IMMT: variants seen among roughly 807,000 people sequenced by gnomAD.
IMMT encodes inner membrane mitochondrial protein, also known as MICOS complex subunit MIC60.
In IMMT, 40 loss-of-function variants were observed where a neutral mutation model predicts 92.7. That is an observed-to-expected ratio of 0.43 (90% CI 0.34 to 0.56). The LOEUF (loss-of-function observed/expected upper bound fraction) is 0.56. IMMT is among the 20% of genes least tolerant of loss of function. The pLI, the probability that IMMT is intolerant of heterozygous loss-of-function variation, is 0.03. For synonymous variants in IMMT, 322 were observed against 336.1 expected (o/e 0.96, Z 0.46); for missense variants, 831 against 912.1 (o/e 0.91, Z 1.14).
chr2:86,150,536 T>C (rs1318927624), intron 12 of IMMT, among the ~76,000 whole-genome samples: 2 of 152,124 alleles, frequency 1.3e-5, no homozygotes, highest in Non-Finnish European at 2.9e-5. Flanking sequence ...GGATGAGTAG[T>C]TAGGTTCCCA....
At chr2:86,163,647 A>C (rs1370468138) in intron 7 of IMMT, among the ~76,000 whole-genome samples, 1 of 152,094 alleles carries the variant, frequency 6.6e-6, no homozygotes, top group Non-Finnish European at 1.5e-5. Flanking sequence ...ATACATTTAG[A>C]AGAAATATTT....
chr2:86,193,869 C>CA, intron 1 of IMMT, among the ~76,000 whole-genome samples: 1 of 152,252 alleles, frequency 6.6e-6, no homozygotes, highest in South Asian at 2.1e-4. Context: ...AATGGGATCC[C>CA]AAAAAGTTGA....
chr2:86,171,977 T>C (rs1251296136), intron 4 of IMMT, among the ~76,000 whole-genome samples: 1 of 136,904 alleles, frequency 7.3e-6, no homozygotes, highest in African/African-American at 2.7e-5. Flanking sequence ...TTTTTTTTTT[T>C]TTTTTTGAGA....
intron 2 of IMMT, among the ~76,000 whole-genome samples, chr2:86,180,043 C>T (rs1311321435): frequency 6.6e-6 from 1 of 151,992 alleles, no homozygotes; most frequent in African/African-American, 2.4e-5. Context: ...TGCCATTGCA[C>T]TCCAGCCTGG....
At chr2:86,167,210 C>T (rs1219848958) in intron 6 of IMMT, among the ~76,000 whole-genome samples, 5 of 130,172 alleles carry the variant, frequency 3.8e-5, no homozygotes, top group South Asian at 2.5e-4. Flanking sequence ...CTCGCTCTGT[C>T]GCCCAGGCTG....
At chr2:86,193,919 G>C (rs1220991163) in intron 1 of IMMT, among the ~76,000 whole-genome samples, 1 of 152,198 alleles carries the variant, frequency 6.6e-6, no homozygotes, top group Non-Finnish European at 1.5e-5. Context: ...AGGTGGGCCT[G>C]GTCTAATCAC....
At chr2:86,191,946 C>T (rs1276188329) in intron 1 of IMMT, among the ~76,000 whole-genome samples, 1 of 149,802 alleles carries the variant, frequency 6.7e-6, no homozygotes, top group Non-Finnish European at 1.5e-5. Flanking sequence ...AATAAATCTT[C>T]CTAGGCTGGG....
rs1049834846 is a variant in IMMT, at chr2:86,146,183, T to A, written c.1548A>T (p.Lys516Asn). The change falls in exon 14 of 15, where the codon AAA becomes AAT. Residue 516 changes from lysine (K) to asparagine (N), a missense_variant. Physicochemically the swap from Lys to Asn is moderately conservative, Grantham distance 94. Coordinates refer to ENST00000410111, the MANE Select transcript of IMMT (RefSeq NM_006839.3). Reference protein sequence around the residue: ...KSEFEQNLSEKLSEQELQFRR... With the variant: ...KSEFEQNLSENLSEQELQFRR... ...GAAATTGTAATTCTTGTTCAGAGAG[T>A]TTCTCAGACAGGTTCTGAAATAAAA... The A allele has an allele frequency of 1.4e-5, 23 of 1,607,126 alleles. No homozygotes were observed. The highest frequency in any genetic ancestry group is 1.9e-5 in the Non-Finnish European group (22 of 1,175,494).
intron 1 of IMMT, among the ~76,000 whole-genome samples, chr2:86,183,606 CAT>C (rs1558838825): frequency 1.3e-5 from 2 of 148,588 alleles, no homozygotes; most frequent in Non-Finnish European, 3.0e-5. Context: ...TTTAAATATG[CAT>C]AGAGTAAAAT....
intron 12 of IMMT, among the ~76,000 whole-genome samples, chr2:86,148,533 ACCGAGGAGGCAGAGCTTGCCGTGAG>A (rs1675215353): frequency 6.6e-6 from 1 of 152,166 alleles, no homozygotes; most frequent in Non-Finnish European, 1.5e-5. Context: ...AATGGCGTGA[ACCGAGGAGGCAGAGCTTGCCGTGAG>A]CCAAGATTGC....
chr2:86,181,559 C>A (rs1195292552), intron 1 of IMMT, among the ~76,000 whole-genome samples, 187 bp from the exon 2 acceptor site: 1 of 151,626 alleles, frequency 6.6e-6, no homozygotes, highest in Non-Finnish European at 1.5e-5. Flanking sequence ...CTTCTTACAC[C>A]CCAAGGCTCA....
At chr2:86,189,778 TTAAC>T (rs1305880421) in intron 1 of IMMT, among the ~76,000 whole-genome samples, 1 of 152,228 alleles carries the variant, frequency 6.6e-6, no homozygotes. Flanking sequence ...ATACAACAAA[TTAAC>T]TTTTTCTACT....
Position 86,144,763 on chromosome 2 carries a change from A to G in IMMT, c.1782T>C (p.Ser594=), listed in dbSNP as rs756896784. 6.2e-7 allele frequency: 1 copy of G among 1,613,708 alleles called. No homozygotes were observed. Among genetic ancestry groups the G allele is most frequent in the Non-Finnish European group, 8.5e-7 (1 of 1,179,880 alleles). ...SAETPTIPLG[S]AVEAIKANCS... is the part of the protein sequence containing the mutation. Reference sequence around the variant, plus strand: ...AGTTGGCTTTGATGGCCTCAACTGCACTACCCAGCGGGATAGTAGGTGTTT... The same window carrying G: ...AGTTGGCTTTGATGGCCTCAACTGCGCTACCCAGCGGGATAGTAGGTGTTT... The change falls in exon 15 of 15, where the codon AGT becomes AGC. Residue 594 remains serine, a synonymous_variant. Coordinates refer to ENST00000410111, the MANE Select transcript of IMMT (RefSeq NM_006839.3).
intron 7 of IMMT, among the ~76,000 whole-genome samples, chr2:86,164,447 T>C (rs539188840): frequency 1.3e-5 from 2 of 151,886 alleles, no homozygotes; most frequent in East Asian, 3.9e-4. Flanking sequence ...CCCAGCACTT[T>C]TGGGAGGTGG....
chr2:86,159,500 T>C (rs1396681278), intron 9 of IMMT, 36 bp downstream of exon 9: 1 of 1,420,886 alleles, frequency 7.0e-7, no homozygotes, highest in Non-Finnish European at 9.7e-7. Flanking sequence ...GATTATATTT[T>C]AAAATATAAA....
chr2:86,155,251 A>T (rs975356861), intron 10 of IMMT, among the ~76,000 whole-genome samples: 1 of 152,142 alleles, frequency 6.6e-6, no homozygotes, highest in Non-Finnish European at 1.5e-5. Flanking sequence ...AACTGACTAA[A>T]CATCACTCCC....
In IMMT at chr2:86,156,830, TA is replaced by T. The variant is rs535749358; in HGVS notation, c.1162+1761del. 1.1e-3 allele frequency among the ~76,000 whole-genome samples: 161 copies of T among 152,252 alleles called. No homozygotes were observed. The South Asian group carries it at 0.013, about 13-fold the overall frequency. ...ATTTGAGCCACTGGAGACTCCCTAC[TA>T]CCTACCAATGTCAAATTTATGCCAA... On this transcript the variant is annotated intron_variant, in intron 10 of 14. Transcript: ENST00000410111.
chr2:86,160,689 A>C (rs1676204276), intron 8 of IMMT, among the ~76,000 whole-genome samples: 1 of 152,226 alleles, frequency 6.6e-6, no homozygotes, highest in African/African-American at 2.4e-5. Flanking sequence ...CCATCAACAG[A>C]GGTTGATCTT....
chr2:86,158,558 A>AT, intron 10 of IMMT, 34 bp downstream of exon 10: 1 of 1,516,006 alleles, frequency 6.6e-7, no homozygotes, highest in Non-Finnish European at 9.0e-7. Flanking sequence ...TGGTTAAAAC[A>AT]TCAAAAAAAA....
Sources: gnomAD v4.1 joint callset for allele counts (sites outside exome capture counted in the v4.1 genomes callset) on GRCh38, gnomAD v4.1.1 for gene constraint, MANE v1.5 for transcripts, NCBI Gene and HGNC (gene_info 2026-07-23, HGNC 2026-07-21) for gene names.